Variants in ABLIM2 observed in about 807,000 individuals in gnomAD.
ABLIM2 encodes the protein actin-binding LIM protein 2.
Under a neutral mutation model 97.7 loss-of-function variants are expected in ABLIM2, and 53 were observed. That is an observed-to-expected ratio of 0.54 (90% CI 0.44 to 0.68). ABLIM2 has a LOEUF of 0.68. Among genes scored for constraint, ABLIM2 ranks in the 30% least tolerant of loss-of-function variants. The pLI, the probability that ABLIM2 is intolerant of heterozygous loss-of-function variation, is 0.00. For missense variants in ABLIM2, 835 were observed against 867.2 expected (o/e 0.96, Z 0.47); for synonymous variants, 361 against 345.8 (o/e 1.04, Z -0.49).
intron 20 of ABLIM2, among the ~76,000 whole-genome samples, chr4:7,979,673 C>T (rs563683450): frequency 6.6e-6 from 1 of 152,342 alleles, no homozygotes; most frequent in South Asian, 2.1e-4. Flanking sequence ...CATTCACCTT[C>T]ATTGTAGATT....
At chr4:8,103,996 A>G (rs1343864533) in intron 2 of ABLIM2, among the ~76,000 whole-genome samples, 1 of 152,236 alleles carries the variant, frequency 6.6e-6, no homozygotes, top group African/African-American at 2.4e-5. Flanking sequence ...AAAAAATTGC[A>G]CCAGCTAAAT....
rs565626792 is a variant in ABLIM2, at chr4:8,147,977, CAGA to C, written c.10+10700_10+10702del. On this transcript the variant is annotated intron_variant, in intron 1 of 20. Coordinates refer to ENST00000447017, the MANE Select transcript of ABLIM2 (RefSeq NM_001130083.2). The surrounding 1 kb of genome is among the most constrained non-coding windows in gnomAD (Gnocchi z 5.3). Reference sequence around the variant, plus strand: ...GAAGTCAGCCCTAGGCCCAATATCCCAGAAGAAGGGGCACGAGTCAGGGCCCAG... The same window carrying C: ...GAAGTCAGCCCTAGGCCCAATATCCCAGAAGGGGCACGAGTCAGGGCCCAG... Among the ~76,000 whole-genome samples, 312 of 152,316 alleles carry C rather than the reference CAGA, an allele frequency of 2.0e-3. 2 individuals are homozygous for C. Among genetic ancestry groups the C allele is most frequent in the African/African-American group, 7.3e-3 (304 of 41,560 alleles).
Position 8,002,253 on chromosome 4 carries a change from G to A in ABLIM2, c.1618+5806C>T, listed in dbSNP as rs940839881. Among the ~76,000 whole-genome samples, 1 of 152,248 alleles carries A rather than the reference G, an allele frequency of 6.6e-6. No individual in the cohort carries two copies. Among genetic ancestry groups the A allele is most frequent in the South Asian group, 2.1e-4 (1 of 4,828 alleles). On this transcript the variant is annotated intron_variant, in intron 16 of 20. Coordinates refer to ENST00000447017, the MANE Select transcript of ABLIM2 (RefSeq NM_001130083.2). This position sits in a 1 kb window ranked among gnomAD's most constrained non-coding sequence, Gnocchi z 6.1. ...CTCAGGCTCTCCAAGCCAACATGAA[G>A]ACACCCACCTGTTCTCATCCCATCT...
chr4:8,079,900 C>T (rs1417519869), intron 5 of ABLIM2, among the ~76,000 whole-genome samples: 1 of 152,142 alleles, frequency 6.6e-6, no homozygotes, highest in African/African-American at 2.4e-5. Context: ...GCCAGAAGAC[C>T]CTCTAGCTCC....
rs1299080452 is a variant in ABLIM2 at position 8,140,046 on chromosome 4, G to C, written c.10+18634C>G. Among the ~76,000 whole-genome samples, 1 of 144,204 alleles carries C rather than the reference G, an allele frequency of 6.9e-6. No individual in the cohort carries two copies. Among genetic ancestry groups the C allele is most frequent in the Non-Finnish European group, 1.5e-5 (1 of 67,086 alleles). The allele number at this position is 144,204 out of a possible 152,430, so 94.6% of individuals were successfully genotyped here. ...ATGTTCTCACTTACAAGTGGGAGCTGAACAGTGAGAACACATGGAAACGGG... is the reference window on the plus strand; with the variant it reads ...ATGTTCTCACTTACAAGTGGGAGCTCAACAGTGAGAACACATGGAAACGGG... On this transcript the variant is annotated intron_variant, in intron 1 of 20. Transcript: ENST00000447017. The surrounding 1 kb of genome is among the most constrained non-coding windows in gnomAD (Gnocchi z 5.9).
intron 3 of ABLIM2, among the ~76,000 whole-genome samples, chr4:8,091,723 ATATAT>A (rs1561337008): frequency 1.4e-5 from 1 of 72,230 alleles, no homozygotes; most frequent in Admixed American, 2.7e-4. Context: ...ATTATATAAT[ATATAT>A]TATATTAATA....
chr4:8,150,740 C>T lies in ABLIM2; in HGVS notation c.10+7940G>A, dbSNP rs1047302109. Among the ~76,000 whole-genome samples, 12 of 152,160 alleles carry T rather than the reference C, an allele frequency of 7.9e-5. No individual in the cohort carries two copies. Among genetic ancestry groups the T allele is most frequent in the African/African-American group, 2.9e-4 (12 of 41,430 alleles). ...CCTGAGGATGCTGTGCCGAGAAAAC[C>T]GGGAGCTGGGTGGCTCTCTGGAGAC... On this transcript the variant is annotated intron_variant, in intron 1 of 20. Transcript: ENST00000447017. This position sits in a 1 kb window ranked among gnomAD's most constrained non-coding sequence, Gnocchi z 6.3.
rs1170948612 is a variant in ABLIM2, at chr4:7,992,444, G to T, written c.1680+422C>A. ...CACGGTAACAGTAATAGCAGGGAAGGCCAGGGCATCCCCGAGAAGGAGGTG... is the reference window on the plus strand; with the variant it reads ...CACGGTAACAGTAATAGCAGGGAAGTCCAGGGCATCCCCGAGAAGGAGGTG... On this transcript the variant is annotated intron_variant, in intron 17 of 20. Transcript: ENST00000447017. This position sits in a 1 kb window ranked among gnomAD's most constrained non-coding sequence, Gnocchi z 5.7. 3.3e-5 allele frequency among the ~76,000 whole-genome samples: 5 copies of T among 152,182 alleles called. No homozygotes were observed. Among genetic ancestry groups the T allele is most frequent in the Admixed American group, 6.5e-5 (1 of 15,280 alleles).
At chr4:8,052,103 G>T (rs58733360) in intron 8 of ABLIM2, among the ~76,000 whole-genome samples, 12,266 of 152,226 alleles carry the variant, frequency 0.081, 1,355 homozygotes, top group African/African-American at 0.25. Context: ...GTGTGTCCGC[G>T]TTGTTTTTTC....
intron 6 of ABLIM2, among the ~76,000 whole-genome samples, chr4:8,076,744 G>T (rs867533040): frequency 7.2e-6 from 1 of 139,680 alleles, no homozygotes; most frequent in African/African-American, 2.7e-5. Context: ...GTTGGGGGGG[G>T]TCTGTGAATC....
At chr4:8,020,439 G>C in intron 12 of ABLIM2, 136 bp from the exon 13 acceptor site, 2 of 804,564 alleles carry the variant, frequency 2.5e-6, no homozygotes, top group Non-Finnish European at 4.2e-6. Flanking sequence ...CCCCTGCCCA[G>C]GGGAAGGAGT....
In ABLIM2 at chr4:8,158,638, C is replaced by A. The variant is rs1169461248; in HGVS notation, c.10+42G>T. On this transcript the variant is annotated intron_variant, in intron 1 of 20. Transcript: ENST00000447017. ...CACCCAGCCCTTGCGGCGCCGCGAG[C>A]CAGCGCGGGGACCCGTTGGTCCCTC... 2.0e-6 allele frequency: 3 copies of A among 1,505,628 alleles called. No individual in the cohort carries two copies. In the South Asian group the frequency reaches 3.7e-5, roughly 18 times the overall value. The allele number at this position is 1,505,628 out of a possible 1,614,324, so 93.3% of individuals were successfully genotyped here. A position where few individuals can be genotyped will look rare whatever the true frequency, so the allele number is the denominator to read the frequency against.
At chr4:8,092,478 G>A (rs148412958) in intron 3 of ABLIM2, among the ~76,000 whole-genome samples, 78 of 152,226 alleles carry the variant, frequency 5.1e-4, no homozygotes, top group African/African-American at 1.6e-3. Flanking sequence ...ACAGAATGGC[G>A]TATGACAAAT....
chr4:8,003,285 C>T lies in ABLIM2; in HGVS notation c.1618+4774G>A, dbSNP rs1188953848. ...CTCAGAAACCTGCATTAGCCTTCGG[C>T]CAGGCAGAGTCATCTAGCACACAGC... On this transcript the variant is annotated intron_variant, in intron 16 of 20. Coordinates refer to ENST00000447017, the MANE Select transcript of ABLIM2 (RefSeq NM_001130083.2). The surrounding 1 kb of genome is among the most constrained non-coding windows in gnomAD (Gnocchi z 4.2). 6.6e-6 allele frequency among the ~76,000 whole-genome samples: 1 copy of T among 152,254 alleles called. No individual in the cohort carries two copies. Among genetic ancestry groups the T allele is most frequent in the Non-Finnish European group, 1.5e-5 (1 of 68,048 alleles).
chr4:8,008,983 A>G, intron 15 of ABLIM2, 67 bp downstream of exon 15: 1 of 1,561,126 alleles, frequency 6.4e-7, no homozygotes, highest in Non-Finnish European at 8.8e-7. Flanking sequence ...CAATCGGAGA[A>G]GCCCTCACAA....
rs1167550757 is a variant in ABLIM2 at position 8,022,607 on chromosome 4, C to T, written c.1268-2304G>A. 6.6e-6 allele frequency: 1 copy of T among 152,428 alleles called. No homozygotes were observed. The highest frequency in any genetic ancestry group is 1.5e-5 in the Non-Finnish European group (1 of 68,174). The allele number at this position is 152,428 out of a possible 1,614,324, so 9.4% of individuals were successfully genotyped here. On this transcript the variant is annotated intron_variant, in intron 12 of 20. Transcript: ENST00000447017. This position sits in a 1 kb window ranked among gnomAD's most constrained non-coding sequence, Gnocchi z 7.8. The stretch of plus-strand genomic sequence containing the variant: ...CGAGTGTCCTCTCCAGGGCTTCCCA[C>T]CTGTCCGGACCCTTCCTGGGTCCAG...
At chr4:8,031,345 C>T (rs974142875) in intron 10 of ABLIM2, among the ~76,000 whole-genome samples, 2 of 150,966 alleles carry the variant, frequency 1.3e-5, no homozygotes, top group African/African-American at 4.8e-5. Context: ...AGACCCTGCA[C>T]CTCATCTGGA....
rs568819243 is a variant in ABLIM2, at chr4:8,072,860, A to G, written c.675+4768T>C. On this transcript the variant is annotated intron_variant, in intron 6 of 20. Coordinates refer to ENST00000447017, the MANE Select transcript of ABLIM2 (RefSeq NM_001130083.2). This position sits in a 1 kb window ranked among gnomAD's most constrained non-coding sequence, Gnocchi z 5.8. ...CCTGAGTGGGGAACGCAGGCCCTGC[A>G]AGGCCCCTGGGGAAGTAGGGAGGGG... is the stretch of plus-strand genomic sequence containing the variant. 6.6e-6 allele frequency among the ~76,000 whole-genome samples: 1 copy of G among 152,170 alleles called. No individual in the cohort carries two copies. The highest frequency in any genetic ancestry group is 2.1e-4 in the South Asian group (1 of 4,832).
chr4:7,989,317 G>A, intron 17 of ABLIM2: 2 of 748,986 alleles, frequency 2.7e-6, no homozygotes, highest in Non-Finnish European at 3.3e-6. Flanking sequence ...GGCCTCAAGT[G>A]ATCCACCCAC....
Sources: gnomAD v4.1 joint callset for allele counts (sites outside exome capture counted in the v4.1 genomes callset) on GRCh38, gnomAD v4.1.1 for gene constraint, Gnocchi (gnomAD v3.1) non-coding constraint, MANE v1.5 for transcripts, NCBI Gene and HGNC (gene_info 2026-07-23, HGNC 2026-07-21) for gene names.